The following YWHAH variants were observed in gnomAD, a reference collection of about 807,000 sequenced individuals.
YWHAH encodes tyrosine 3-monooxygenase/tryptophan 5-monooxygenase activation protein eta.
YWHAH carries 6 observed loss-of-function variants against 22.9 expected under a neutral mutation model. The observed-to-expected ratio is 0.26, with a 90% CI of 0.14 to 0.52. The LOEUF is 0.52. YWHAH is among the 20% of genes least tolerant of loss of function. The pLI, the probability that YWHAH is intolerant of heterozygous loss-of-function variation, is 0.97. For synonymous variants in YWHAH, 135 were observed against 124.5 expected (o/e 1.08, Z -0.56); for missense variants, 173 against 308.6 (o/e 0.56, Z 3.29).
intron 1 of YWHAH, 125 bp downstream of exon 1, chr22:31,944,945 G>A: frequency 9.7e-7 from 1 of 1,027,872 alleles, no homozygotes; most frequent in Non-Finnish European, 1.2e-6. Flanking sequence ...GGGCGTGGCC[G>A]CCCGCCCGCC....
At position 31,950,076 on chromosome 22, in the gene YWHAH, C is replaced by CTTT. The variant is rs557406783; in HGVS notation, c.87+5292_87+5294dup. ...TTGCTTGTTCTGAAGGCTTGGAGGC[C>CTTT]TTTTTTTTTTTTTTTTTTTTTTTTT... On this transcript the variant is annotated intron_variant, in intron 1 of 1. Coordinates refer to ENST00000248975, the MANE Select transcript of YWHAH (RefSeq NM_003405.4). 1.9e-4 allele frequency among the ~76,000 whole-genome samples: 8 copies of CTTT among 42,192 alleles called. 1 individual carries two copies. The highest frequency in any genetic ancestry group is 3.9e-4 in the Non-Finnish European group (8 of 20,410). The allele number at this position is 42,192 out of a possible 152,430, so 27.7% of individuals were successfully genotyped here.
In YWHAH at chr22:31,956,809, C is replaced by G. The variant is rs80295425; in HGVS notation, c.*17C>G. ...GGCAACTGAAGATCCTTCAGGTCCC[C>G]TGGCCCTTCCTTCACCCACCACCCC... On this transcript the variant is annotated 3_prime_UTR_variant, in exon 2 of 2. Coordinates refer to ENST00000248975, the MANE Select transcript of YWHAH (RefSeq NM_003405.4). The surrounding 1 kb of genome is among the most constrained non-coding windows in gnomAD (Gnocchi z 5.1). 991 of 1,549,468 alleles carry G rather than the reference C, an allele frequency of 6.4e-4. 1 individual carries two copies. Among genetic ancestry groups the G allele is most frequent in the Non-Finnish European group, 8.4e-4 (964 of 1,148,024 alleles).
At chr22:31,955,248 G>A (rs916206467) in intron 1 of YWHAH, among the ~76,000 whole-genome samples, 1 of 152,156 alleles carries the variant, frequency 6.6e-6, no homozygotes, top group Non-Finnish European at 1.5e-5. Flanking sequence ...GCCACACAGG[G>A]CGAAGCTCTG....
intron 1 of YWHAH, chr22:31,950,214 G>A: frequency 5.5e-6 from 3 of 541,890 alleles, no homozygotes. Context: ...TCATATTCTT[G>A]GCACCAGTTG....
intron 1 of YWHAH, chr22:31,945,291 TC>T: frequency 8.5e-7 from 1 of 1,178,134 alleles, no homozygotes; most frequent in Non-Finnish European, 1.1e-6. Flanking sequence ...AGTCTGCAAT[TC>T]CGATCTGTTT....
intron 1 of YWHAH, chr22:31,945,677 C>T (rs2093833228): frequency 1.3e-5 from 16 of 1,261,474 alleles, no homozygotes; most frequent in Non-Finnish European, 1.5e-5. Context: ...TTTACGTTTT[C>T]TGTAAATGAA....
chr22:31,944,604 TCC>T lies in YWHAH; in HGVS notation c.-129_-128del. On this transcript the variant is annotated 5_prime_UTR_variant, in exon 1 of 2. Transcript: ENST00000248975. ...TGCCTGCAGCCTGCAGCCTGCAGCC[TCC>T]GGCCGGCCGGCGAGCCAGTGCGCGT... 1.7e-6 allele frequency: 1 copy of T among 581,584 alleles called. No homozygotes were observed. The allele number at this position is 581,584 out of a possible 1,614,324, so 36.0% of individuals were successfully genotyped here.
intron 1 of YWHAH, chr22:31,945,191 C>G (rs1569273796): frequency 1.8e-6 from 2 of 1,113,170 alleles, no homozygotes; most frequent in Admixed American, 4.4e-5. Flanking sequence ...GGGGCTCCCC[C>G]TCTCGTCTTC....
intron 1 of YWHAH, chr22:31,950,442 A>G (rs779654929): frequency 1.8e-5 from 14 of 777,520 alleles, no homozygotes; most frequent in Non-Finnish European, 3.1e-5. Context: ...AGCACTTCCA[A>G]TGATCCGAAC....
chr22:31,950,820 T>C (rs1045783495), intron 1 of YWHAH, among the ~76,000 whole-genome samples: 3 of 152,170 alleles, frequency 2.0e-5, no homozygotes, highest in Non-Finnish European at 4.4e-5. Context: ...TCTTTCCAGC[T>C]TGGGGCAGGC....
In YWHAH at chr22:31,944,649, G is replaced by GCAGCGACCGGGGAGC. The variant is rs2093830423; in HGVS notation, c.-84_-70dup. On this transcript the variant is annotated 5_prime_UTR_variant, in exon 1 of 2. Coordinates refer to ENST00000248975, the MANE Select transcript of YWHAH (RefSeq NM_003405.4). ...GTGCGCGTGCGCGGCGGCGGCCTCCGCAGCGACCGGGGAGCGGACTGACCG... is the reference window on the plus strand; with the variant it reads ...GTGCGCGTGCGCGGCGGCGGCCTCCGCAGCGACCGGGGAGCCAGCGACCGGGGAGCGGACTGACCG... 18 of 1,096,102 alleles carry GCAGCGACCGGGGAGC rather than the reference G, an allele frequency of 1.6e-5. No individual in the cohort carries two copies. The highest frequency in any genetic ancestry group is 4.1e-5 in the South Asian group (1 of 24,660). 67.9% of individuals were successfully genotyped at this position (1,096,102 alleles called of 1,614,324 possible). A position where few individuals can be genotyped will look rare whatever the true frequency, so the allele number is the denominator to read the frequency against.
chr22:31,954,444 G>T (rs1281277793), intron 1 of YWHAH, among the ~76,000 whole-genome samples: 1 of 152,144 alleles, frequency 6.6e-6, no homozygotes, highest in East Asian at 1.9e-4. Flanking sequence ...CTTGGGCCCA[G>T]ACCAACTCTG....
Position 31,944,832 on chromosome 22 carries a change from G to A in YWHAH, c.87+12G>A, listed in dbSNP as rs1396705114. On this transcript the variant is annotated intron_variant, in intron 1 of 1. Transcript: ENST00000248975. ...CCGCTATGAAGGCGGTGAGCGCGCCGGGAGCCCGGGCGGCTGGCCGGGGGG... is the reference window on the plus strand; with the variant it reads ...CCGCTATGAAGGCGGTGAGCGCGCCAGGAGCCCGGGCGGCTGGCCGGGGGG... 1.5e-6 allele frequency: 2 copies of A among 1,364,232 alleles called. No homozygotes were observed. The highest frequency in any genetic ancestry group is 9.5e-7 in the Non-Finnish European group (1 of 1,050,824). The allele number at this position is 1,364,232 out of a possible 1,614,324, so 84.5% of individuals were successfully genotyped here. A position where few individuals can be genotyped will look rare whatever the true frequency, so the allele number is the denominator to read the frequency against.
intron 1 of YWHAH, among the ~76,000 whole-genome samples, chr22:31,948,269 C>T (rs1244312469): frequency 2.0e-5 from 3 of 152,060 alleles, no homozygotes; most frequent in Admixed American, 1.3e-4. Context: ...GTTGCAACAA[C>T]TGTGAGATTC....
At chr22:31,945,660 A>C in intron 1 of YWHAH, 1 of 1,271,092 alleles carries the variant, frequency 7.9e-7, no homozygotes, top group Admixed American at 2.4e-5. Context: ...CTCTCTCTCC[A>C]CGTTATTTTA....
intron 1 of YWHAH, chr22:31,945,076 C>T (rs2149465781): frequency 3.6e-6 from 4 of 1,096,758 alleles, no homozygotes; most frequent in East Asian, 6.0e-5. Flanking sequence ...GGGGGGCGGG[C>T]CGGTCGGGGT....
Position 31,944,620 on chromosome 22 carries a change from G to C in YWHAH, c.-114G>C, listed in dbSNP as rs536956116. ...CCTGCAGCCTCCGGCCGGCCGGCGA[G>C]CCAGTGCGCGTGCGCGGCGGCGGCC... is the stretch of plus-strand genomic sequence containing the variant. On this transcript the variant is annotated 5_prime_UTR_variant, in exon 1 of 2. Coordinates refer to ENST00000248975, the MANE Select transcript of YWHAH (RefSeq NM_003405.4). 1.3e-6 allele frequency: 1 copy of C among 792,250 alleles called. No homozygotes were observed. Among genetic ancestry groups the C allele is most frequent in the African/African-American group, 1.8e-5 (1 of 54,360 alleles). The allele number at this position is 792,250 out of a possible 1,614,324, so 49.1% of individuals were successfully genotyped here.
intron 1 of YWHAH, among the ~76,000 whole-genome samples, chr22:31,951,110 G>A (rs1485867983): frequency 6.6e-6 from 1 of 152,012 alleles, no homozygotes; most frequent in Admixed American, 6.6e-5. Flanking sequence ...CTGGGTTGGT[G>A]TCGTACTCCC....
intron 1 of YWHAH, chr22:31,945,293 C>T (rs1202657628): frequency 8.5e-6 from 10 of 1,176,886 alleles, no homozygotes; most frequent in Non-Finnish European, 1.1e-5. Context: ...TCTGCAATTC[C>T]GATCTGTTTT....
Sources: allele counts gnomAD v4.1 joint callset (sites outside exome capture counted in the v4.1 genomes callset), GRCh38; gene constraint gnomAD v4.1.1; non-coding constraint Gnocchi (gnomAD v3.1); transcripts MANE v1.5; gene names NCBI Gene and HGNC (gene_info 2026-07-23, HGNC 2026-07-21).